Variants in CDH20 observed in about 807,000 individuals in gnomAD.
CDH20 encodes the protein cadherin-20.
CDH20 carries 29 observed loss-of-function variants against 74.2 expected under a neutral mutation model. The observed-to-expected ratio is 0.39, with a 90% CI of 0.29 to 0.53. CDH20 has a LOEUF of 0.53. CDH20 is among the 20% of genes least tolerant of loss of function. The pLI is 0.69. For missense variants in CDH20, 988 were observed against 1,048.3 expected (o/e 0.94, Z 0.79); for synonymous variants, 469 against 405.4 (o/e 1.16, Z -1.88).
chr18:61,532,274 G>A (rs1272375021), intron 7 of CDH20, among the ~76,000 whole-genome samples: 4 of 152,098 alleles, frequency 2.6e-5, no homozygotes, highest in Admixed American at 2.6e-4. Context: ...GCAGTGCCTG[G>A]CTTACAGTGA....
chr18:61,460,461 G>A (rs1799342672), intron 1 of CDH20, among the ~76,000 whole-genome samples: 1 of 152,122 alleles, frequency 6.6e-6, no homozygotes, highest in African/African-American at 2.4e-5. Flanking sequence ...TTAACAGGAG[G>A]AGCAGCTCAC....
In CDH20 at chr18:61,507,303, T is replaced by C. The variant is rs545896422; in HGVS notation, c.830-70T>C. ...AAGATATTTTGCACAGCACTCCTGA[T>C]ATGATAATGATGAGGCATTTTTTAT... is the stretch of plus-strand genomic sequence containing the variant. On this transcript the variant is annotated intron_variant, in intron 5 of 11. Coordinates refer to ENST00000262717, the MANE Select transcript of CDH20 (RefSeq NM_031891.4). The C allele has an allele frequency of 1.3e-3, 1,889 of 1,407,278 alleles. 3 individuals carry two copies. Among genetic ancestry groups the C allele is most frequent in the Middle Eastern group, 6.6e-3 (37 of 5,616 alleles). The allele number at this position is 1,407,278 out of a possible 1,614,324, so 87.2% of individuals were successfully genotyped here.
intron 1 of CDH20, among the ~76,000 whole-genome samples, chr18:61,442,424 A>T (rs544046478): frequency 6.6e-6 from 1 of 151,922 alleles, no homozygotes; most frequent in South Asian, 2.1e-4. Flanking sequence ...CAGGCAGGGC[A>T]TCTGTCTTAG....
intron 1 of CDH20, among the ~76,000 whole-genome samples, chr18:61,416,628 C>A (rs1599070147): frequency 6.6e-6 from 1 of 152,212 alleles, no homozygotes; most frequent in African/African-American, 2.4e-5. Flanking sequence ...TGTGCGTGCC[C>A]TAGATTAGTC....
At chr18:61,477,594 T>C (rs951818528) in intron 1 of CDH20, among the ~76,000 whole-genome samples, 2 of 152,192 alleles carry the variant, frequency 1.3e-5, no homozygotes, top group Non-Finnish European at 2.9e-5. Flanking sequence ...TGCATGAGTA[T>C]GTCATAATGT....
intron 1 of CDH20, among the ~76,000 whole-genome samples, chr18:61,470,871 TCTC>T (rs1189250614): frequency 1.3e-5 from 2 of 151,976 alleles, no homozygotes; most frequent in African/African-American, 2.4e-5. Context: ...TCTTCTATCT[TCTC>T]CTCTTTCTCT....
In CDH20 at chr18:61,549,944, C is replaced by T. The variant is rs201196676; in HGVS notation, c.1649-34C>T. ...CAATCCAAGAAATTAATTCACCTTCCCTTTTCCAATCCTGGAACCCCTCCT... is the reference window on the plus strand; with the variant it reads ...CAATCCAAGAAATTAATTCACCTTCTCTTTTCCAATCCTGGAACCCCTCCT... On this transcript the variant is annotated intron_variant, in intron 10 of 11. Transcript: ENST00000262717. 635 of 1,597,708 alleles carry T rather than the reference C, an allele frequency of 4.0e-4. 5 individuals carry two copies. In the South Asian group the frequency reaches 6.8e-3, roughly 17 times the overall value.
chr18:61,341,402 T>C (rs1909943218), intron 1 of CDH20, among the ~76,000 whole-genome samples: 1 of 140,846 alleles, frequency 7.1e-6, no homozygotes, highest in Non-Finnish European at 1.5e-5. Flanking sequence ...TCTACCCTGA[T>C]TACACAATGA....
At chr18:61,387,498 A>G (rs554399047) in intron 1 of CDH20, among the ~76,000 whole-genome samples, 1 of 152,288 alleles carries the variant, frequency 6.6e-6, no homozygotes, top group African/African-American at 2.4e-5. Flanking sequence ...TGCTCAATTC[A>G]ATAAATAACC....
chr18:61,539,341 C>T (rs1912942299), intron 9 of CDH20, among the ~76,000 whole-genome samples, 196 bp downstream of exon 9: 2 of 152,178 alleles, frequency 1.3e-5, no homozygotes, highest in African/African-American at 4.8e-5. Context: ...TGTGGTGGCT[C>T]ATGCCTGTAA....
intron 1 of CDH20, among the ~76,000 whole-genome samples, chr18:61,442,442 C>T (rs962456094): frequency 6.6e-6 from 1 of 151,404 alleles, no homozygotes; most frequent in Non-Finnish European, 1.5e-5. Context: ...TAGAACATCA[C>T]AGTGGTTTTC....
chr18:61,466,906 G>T (rs1280129939), intron 1 of CDH20, among the ~76,000 whole-genome samples: 1 of 152,102 alleles, frequency 6.6e-6, no homozygotes, highest in Non-Finnish European at 1.5e-5. Context: ...CTCTGCTTCT[G>T]CAGGGCACAG....
chr18:61,492,815 T>C (rs1393156726), intron 2 of CDH20, among the ~76,000 whole-genome samples: 1 of 152,208 alleles, frequency 6.6e-6, no homozygotes, highest in Non-Finnish European at 1.5e-5. Context: ...TGACTAAAAC[T>C]AGAAGCTCAA....
At chr18:61,398,492 T>A (rs1460797184) in intron 1 of CDH20, among the ~76,000 whole-genome samples, 1 of 152,192 alleles carries the variant, frequency 6.6e-6, no homozygotes, top group Non-Finnish European at 1.5e-5. Flanking sequence ...TCTATGGAAG[T>A]GTCTGAAAAA....
intron 1 of CDH20, among the ~76,000 whole-genome samples, chr18:61,372,142 G>T (rs1344717791): frequency 6.6e-6 from 1 of 151,970 alleles, no homozygotes; most frequent in East Asian, 1.9e-4. Flanking sequence ...TATTTTTAAA[G>T]TTTTATGCAT....
intron 1 of CDH20, among the ~76,000 whole-genome samples, chr18:61,361,660 G>C (rs1169646825): frequency 1.3e-5 from 2 of 152,164 alleles, no homozygotes. Context: ...GAAATTGAGA[G>C]TAAGCTTAGC....
intron 1 of CDH20, among the ~76,000 whole-genome samples, chr18:61,461,158 A>G (rs1465763639): frequency 6.6e-6 from 1 of 152,082 alleles, no homozygotes; most frequent in African/African-American, 2.4e-5. Flanking sequence ...ATTAATTGGG[A>G]AAATATTTTG....
chr18:61,453,693 G>A (rs1454047216), intron 1 of CDH20, among the ~76,000 whole-genome samples: 1 of 152,158 alleles, frequency 6.6e-6, no homozygotes, highest in Non-Finnish European at 1.5e-5. Flanking sequence ...GCCCCAATGT[G>A]TTTATCCTTT....
intron 1 of CDH20, among the ~76,000 whole-genome samples, chr18:61,402,609 T>C (rs1912192763): frequency 6.6e-6 from 1 of 152,210 alleles, no homozygotes; most frequent in Non-Finnish European, 1.5e-5. Context: ...CTAAGGTTAA[T>C]GTTTAACTAT....
Sources: allele counts gnomAD v4.1 joint callset (sites outside exome capture counted in the v4.1 genomes callset), GRCh38; gene constraint gnomAD v4.1.1; transcripts MANE v1.5; gene names NCBI Gene and HGNC (gene_info 2026-07-23, HGNC 2026-07-21).